The following PRKN variants were observed in gnomAD, a reference collection of about 807,000 sequenced individuals.
PRKN encodes the protein parkin RBR E3 ubiquitin protein ligase, also known as E3 ubiquitin-protein ligase parkin.
A neutral mutation model predicts 59.5 loss-of-function variants in PRKN; 56 were observed. The ratio of observed to expected loss-of-function variants is 0.94; its 90% CI spans 0.76 to 1.18. The LOEUF is 1.18. Among genes scored for constraint, PRKN ranks in the 50% most tolerant of loss-of-function variants. The pLI, the probability that PRKN is intolerant of heterozygous loss-of-function variation, is 0.00. For synonymous variants in PRKN, 250 were observed against 222.1 expected (o/e 1.13, Z -1.12); for missense variants, 657 against 596.4 (o/e 1.10, Z -1.06).
At chr6:161,590,600 G>A (rs961825129) in intron 7 of PRKN, among the ~76,000 whole-genome samples, 2 of 152,070 alleles carry the variant, frequency 1.3e-5, no homozygotes, top group African/African-American at 2.4e-5. Flanking sequence ...AGATGTGGTG[G>A]CACACGCCTG....
chr6:162,407,340 C>T (rs1041467174), intron 2 of PRKN, among the ~76,000 whole-genome samples: 1 of 152,166 alleles, frequency 6.6e-6, no homozygotes, highest in African/African-American at 2.4e-5. Flanking sequence ...TTCAGTTTAG[C>T]CTTTCATAAC....
intron 3 of PRKN, among the ~76,000 whole-genome samples, chr6:162,255,684 C>A (rs1007832885): frequency 1.3e-5 from 2 of 152,108 alleles, no homozygotes; most frequent in Non-Finnish European, 2.9e-5. Context: ...GCTCCGGGGC[C>A]CACACTTACT....
intron 7 of PRKN, among the ~76,000 whole-genome samples, chr6:161,617,563 T>C (rs1456673464): frequency 1.3e-5 from 2 of 152,238 alleles, no homozygotes; most frequent in Non-Finnish European, 2.9e-5. Flanking sequence ...CAGCATACAG[T>C]GTATGGGACC....
chr6:162,710,689 A>G (rs1040938933), intron 1 of PRKN, among the ~76,000 whole-genome samples: 2 of 152,106 alleles, frequency 1.3e-5, no homozygotes, highest in Non-Finnish European at 2.9e-5. Context: ...AGGGCTTTTC[A>G]TGTTCCAGAA....
chr6:161,749,193 G>A (rs1788569845), intron 7 of PRKN, among the ~76,000 whole-genome samples: 1 of 152,230 alleles, frequency 6.6e-6, no homozygotes, highest in Non-Finnish European at 1.5e-5. Context: ...GGGACCTAGA[G>A]GGGCGCAGCT....
intron 1 of PRKN, among the ~76,000 whole-genome samples, chr6:162,637,273 G>C (rs1033562886): frequency 0.055 from 5,771 of 105,020 alleles, no homozygotes; most frequent in Non-Finnish European, 0.061. Flanking sequence ...CCTCCCACCC[G>C]CCCCCCCCCC....
intron 7 of PRKN, among the ~76,000 whole-genome samples, chr6:161,638,840 C>T (rs1169375272): frequency 6.7e-6 from 1 of 149,780 alleles, no homozygotes; most frequent in Non-Finnish European, 1.5e-5. Context: ...CTCCCGGGCT[C>T]ATGCAATTCT....
intron 1 of PRKN, among the ~76,000 whole-genome samples, chr6:162,469,037 G>A (rs1791577484): frequency 6.6e-6 from 1 of 151,966 alleles, no homozygotes. Flanking sequence ...ACAAAATGGG[G>A]GAAATATGGA....
intron 6 of PRKN, among the ~76,000 whole-genome samples, chr6:161,924,769 T>A (rs1462671626): frequency 6.6e-6 from 1 of 152,252 alleles, no homozygotes; most frequent in Non-Finnish European, 1.5e-5. Context: ...TTAATTGTTC[T>A]GAGCAGTTTC....
chr6:161,931,311 G>A (rs1372282322), intron 6 of PRKN, among the ~76,000 whole-genome samples: 1 of 152,076 alleles, frequency 6.6e-6, no homozygotes, highest in East Asian at 1.9e-4. Context: ...GGTGGTATGT[G>A]TCTGTAGTCC....
chr6:161,957,928 G>A (rs1451325865), intron 6 of PRKN, among the ~76,000 whole-genome samples: 1 of 152,256 alleles, frequency 6.6e-6, no homozygotes, highest in African/African-American at 2.4e-5. Context: ...TCTTGTAGAG[G>A]AGTACTTTAA....
At chr6:161,737,845 CAAG>C (rs1372891854) in intron 7 of PRKN, among the ~76,000 whole-genome samples, 3 of 152,172 alleles carry the variant, frequency 2.0e-5, no homozygotes, top group East Asian at 1.9e-4. Flanking sequence ...TAAGGCTGAT[CAAG>C]AAGAAGTGGG....
At chr6:162,688,870 C>T (rs1562498419) in intron 1 of PRKN, among the ~76,000 whole-genome samples, 1 of 151,870 alleles carries the variant, frequency 6.6e-6, no homozygotes, top group African/African-American at 2.4e-5. Flanking sequence ...TTACTTTTTT[C>T]CCCCCAGTTG....
At chr6:161,909,784 T>G (rs1216701157) in intron 6 of PRKN, among the ~76,000 whole-genome samples, 1 of 152,236 alleles carries the variant, frequency 6.6e-6, no homozygotes, top group Non-Finnish European at 1.5e-5. Context: ...ATGTACATAC[T>G]ATAACTGCTT....
At chr6:162,034,259 A>G (rs986891926) in intron 5 of PRKN, among the ~76,000 whole-genome samples, 23 of 151,694 alleles carry the variant, frequency 1.5e-4, no homozygotes, top group Middle Eastern at 6.9e-3. Flanking sequence ...GTTACTTTAT[A>G]TATTTAGCAC....
intron 2 of PRKN, among the ~76,000 whole-genome samples, chr6:162,277,240 T>G (rs568726110): frequency 6.6e-6 from 1 of 152,246 alleles, no homozygotes; most frequent in African/African-American, 2.4e-5. Context: ...CCTAATAATT[T>G]CAAAAGAGGA....
intron 6 of PRKN, among the ~76,000 whole-genome samples, chr6:161,875,063 ACATTAT>A (rs1312042413): frequency 1.0e-5 from 1 of 97,932 alleles, no homozygotes; most frequent in Non-Finnish European, 2.0e-5. Flanking sequence ...TAAAGTATAT[ACATTAT>A]ATATAAAGTA....
At chr6:162,340,248 C>T (rs1244671262) in intron 2 of PRKN, among the ~76,000 whole-genome samples, 1 of 152,014 alleles carries the variant, frequency 6.6e-6, no homozygotes, top group East Asian at 1.9e-4. Flanking sequence ...CCCAATTACT[C>T]AGTTTCTCTA....
intron 4 of PRKN, among the ~76,000 whole-genome samples, chr6:162,117,151 A>C (rs1283576676): frequency 1.3e-5 from 2 of 152,240 alleles, no homozygotes; most frequent in Non-Finnish European, 1.5e-5. Context: ...GGGAAAGAAA[A>C]AGCTTCTTAA....
Sources: gnomAD v4.1 joint callset for allele counts (sites outside exome capture counted in the v4.1 genomes callset) on GRCh38, gnomAD v4.1.1 for gene constraint, MANE v1.5 for transcripts, NCBI Gene and HGNC (gene_info 2026-07-23, HGNC 2026-07-21) for gene names.